EYS: variants seen among roughly 807,000 people sequenced by gnomAD.
EYS encodes protein eyes shut homolog.
EYS carries 250 observed loss-of-function variants against 282.1 expected under a neutral mutation model. The ratio of observed to expected loss-of-function variants is 0.89; its 90% CI spans 0.80 to 0.98. The LOEUF is 0.98. Ranked by LOEUF, EYS falls within the 50% of genes least tolerant of loss-of-function variation. The pLI is 0.00. For missense variants in EYS, 4,016 were observed against 3,709.0 expected (o/e 1.08, Z -2.15); for synonymous variants, 1,355 against 1,282.9 (o/e 1.06, Z -1.20).
At chr6:64,125,154 G>GCGCGCGCGCTCTCTCTCTCTCTCTCTCTC (rs1773724746) in intron 31 of EYS, among the ~76,000 whole-genome samples, 22 of 145,324 alleles carry the variant, frequency 1.5e-4, no homozygotes, top group African/African-American at 5.5e-4. Flanking sequence ...CACACTCTCT[G>GCGCGCGCGCTCTCTCTCTCTCTCTCTCTC]TCTCTCTCTC....
Position 65,295,900 on chromosome 6 carries a change from C to T in EYS, c.1986G>A (p.Arg662=), listed in dbSNP as rs1215422280. The change falls in exon 12 of 43, where the codon AGG becomes AGA. Residue 662 remains arginine (R), a synonymous_variant. Transcript: ENST00000503581. ...CKNGTTSTHL[R]GYFFRKCVPG... is the part of the protein sequence containing the mutation. ...GGACACACTTGCGGAAGAAATATCC[C>T]CTTAAATGTGTACTAGTTGTTCCAT... 1.3e-6 allele frequency: 2 copies of T among 1,550,586 alleles called. No homozygotes were observed. The highest frequency in any genetic ancestry group is 2.4e-5 in the South Asian group (2 of 83,994).
At chr6:65,115,223 T>C (rs1268571878) in intron 12 of EYS, among the ~76,000 whole-genome samples, 1 of 152,100 alleles carries the variant, frequency 6.6e-6, no homozygotes, top group Non-Finnish European at 1.5e-5. Flanking sequence ...ATGAAATGAA[T>C]TTCTATCAAA....
chr6:64,406,309 A>G (rs1206402010), intron 28 of EYS, among the ~76,000 whole-genome samples: 1 of 152,202 alleles, frequency 6.6e-6, no homozygotes, highest in African/African-American at 2.4e-5. Context: ...ACAAAAATTA[A>G]CTCAAGATGG....
chr6:65,374,844 T>C (rs1765300545), intron 8 of EYS, among the ~76,000 whole-genome samples: 1 of 152,086 alleles, frequency 6.6e-6, no homozygotes, highest in Non-Finnish European at 1.5e-5. Context: ...TCCTCTTCAC[T>C]GGGTAGGGCA....
At chr6:64,485,831 G>C (rs745617976) in intron 26 of EYS, among the ~76,000 whole-genome samples, 3 of 151,232 alleles carry the variant, frequency 2.0e-5, no homozygotes, top group Non-Finnish European at 4.4e-5. Flanking sequence ...TTGGGCCTAA[G>C]GGTTATTGAA....
chr6:64,201,179 A>G (rs1765451779), intron 31 of EYS, among the ~76,000 whole-genome samples: 1 of 152,186 alleles, frequency 6.6e-6, no homozygotes, highest in Non-Finnish European at 1.5e-5. Flanking sequence ...AAGTAAGGAT[A>G]GGAAGTTATC....
chr6:65,417,313 C>T (rs1046305113), intron 5 of EYS, among the ~76,000 whole-genome samples: 3 of 151,934 alleles, frequency 2.0e-5, no homozygotes, highest in African/African-American at 7.2e-5. Context: ...TTTACCTTAA[C>T]AAATACCATT....
chr6:64,914,488 G>A (rs550312967), intron 15 of EYS, among the ~76,000 whole-genome samples: 2 of 152,168 alleles, frequency 1.3e-5, no homozygotes, highest in East Asian at 3.9e-4. Flanking sequence ...TTACTAAAAG[G>A]AGGGGAGCAA....
intron 2 of EYS, among the ~76,000 whole-genome samples, chr6:65,597,277 T>C (rs1378327188): frequency 6.6e-6 from 1 of 152,042 alleles, no homozygotes; most frequent in Non-Finnish European, 1.5e-5. Context: ...CCTACCTTCA[T>C]TTGAGCATTG....
At chr6:64,593,357 C>T (rs1253472516) in intron 24 of EYS, 48 bp from the exon 25 acceptor site, 2 of 1,431,326 alleles carry the variant, frequency 1.4e-6, no homozygotes, top group Admixed American at 2.2e-5. Flanking sequence ...TTTCTTTGTT[C>T]CTAAGAGAAA....
intron 28 of EYS, among the ~76,000 whole-genome samples, chr6:64,415,584 G>A (rs971067899): frequency 1.3e-5 from 2 of 152,086 alleles, no homozygotes; most frequent in South Asian, 2.1e-4. Flanking sequence ...CCCATTCTGA[G>A]GGTACAATGT....
intron 26 of EYS, among the ~76,000 whole-genome samples, chr6:64,467,388 T>C (rs1461513413): frequency 6.6e-6 from 1 of 152,170 alleles, no homozygotes; most frequent in Admixed American, 6.5e-5. Flanking sequence ...AAAAATTTAA[T>C]TTTTTTACCC....
At chr6:64,583,127 G>A (rs1054528084) in intron 26 of EYS, among the ~76,000 whole-genome samples, 1 of 152,140 alleles carries the variant, frequency 6.6e-6, no homozygotes, top group African/African-American at 2.4e-5. Flanking sequence ...TTTTAATGTA[G>A]TAAAGTAACT....
At chr6:65,242,302 C>A (rs1267704091) in intron 12 of EYS, among the ~76,000 whole-genome samples, 1 of 151,948 alleles carries the variant, frequency 6.6e-6, no homozygotes, top group East Asian at 1.9e-4. Context: ...TCCCCATCTG[C>A]TCTAGGTGAT....
intron 15 of EYS, among the ~76,000 whole-genome samples, chr6:64,942,180 C>T (rs1056310413): frequency 5.3e-5 from 8 of 150,988 alleles, no homozygotes; most frequent in South Asian, 4.2e-4. Flanking sequence ...TGTCTCATTG[C>T]GGTTTTGATT....
At chr6:64,835,456 A>G (rs1166485258) in intron 19 of EYS, among the ~76,000 whole-genome samples, 1 of 146,006 alleles carries the variant, frequency 6.8e-6, no homozygotes, top group Non-Finnish European at 1.5e-5. Context: ...CACAGTCACT[A>G]ATTAGCATAA....
At chr6:64,125,002 T>A (rs1773716444) in intron 31 of EYS, among the ~76,000 whole-genome samples, 1 of 152,194 alleles carries the variant, frequency 6.6e-6, no homozygotes, top group African/African-American at 2.4e-5. Context: ...AGAAAGTGAT[T>A]AATGTCATCC....
intron 29 of EYS, among the ~76,000 whole-genome samples, chr6:64,329,901 A>T (rs1417755463): frequency 6.6e-6 from 1 of 152,148 alleles, no homozygotes; most frequent in African/African-American, 2.4e-5. Context: ...ATGCTTATAC[A>T]TAAAGGATGC....
intron 26 of EYS, among the ~76,000 whole-genome samples, chr6:64,526,735 ATTC>A (rs367759720): frequency 8.6e-5 from 13 of 151,966 alleles, no homozygotes; most frequent in Middle Eastern, 3.4e-3. Flanking sequence ...TGACATTTCT[ATTC>A]TTCTGTTTAG....
Sources: gnomAD v4.1 joint callset for allele counts (sites outside exome capture counted in the v4.1 genomes callset) on GRCh38, gnomAD v4.1.1 for gene constraint, MANE v1.5 for transcripts, NCBI Gene and HGNC (gene_info 2026-07-23, HGNC 2026-07-21) for gene names.